Variants in SEC16B observed in about 807,000 individuals in gnomAD.
The protein encoded by SEC16B is protein transport protein Sec16B.
A neutral mutation model predicts 141.8 loss-of-function variants in SEC16B; 115 were observed. That is an observed-to-expected ratio of 0.81 (90% CI 0.70 to 0.95). The LOEUF is 0.95. Ranked by LOEUF, SEC16B falls within the 40% of genes least tolerant of loss-of-function variation. The pLI is 0.00. For synonymous variants in SEC16B, 493 were observed against 492.5 expected, an observed-to-expected ratio of 1.00 and a Z score of -0.01; for missense variants, 1,291 against 1,312.3, an observed-to-expected ratio of 0.98 and a Z score of 0.25.
rs187681294 is a variant in SEC16B at position 177,953,108 on chromosome 1, C to T, written c.1464-1113G>A. On this transcript the variant is annotated intron_variant, in intron 11 of 25. Coordinates refer to ENST00000308284, the MANE Select transcript of SEC16B (RefSeq NM_033127.4). The stretch of plus-strand genomic sequence containing the variant: ...GCAACCTCCACCTCCCAGGTTCAAG[C>T]GATTCTCCTGCCTCAGCTTCCAGAG... Among the ~76,000 whole-genome samples the T allele has an allele frequency of 5.3e-3, 803 of 150,286 alleles. 6 individuals are homozygous for T. Among genetic ancestry groups the T allele is most frequent in the African/African-American group, 0.019 (775 of 41,082 alleles).
chr1:177,946,181 A>G lies in SEC16B; in HGVS notation c.1775+239T>C. On this transcript the variant is annotated intron_variant, in intron 14 of 25. Coordinates refer to ENST00000308284, the MANE Select transcript of SEC16B (RefSeq NM_033127.4). ...AAAGGGCACAATACCACACAAAGGC[A>G]TCAGCCCACCTCTTTGCAGAGGAGG... 4 of 604,940 alleles carry G rather than the reference A, an allele frequency of 6.6e-6. No individual in the cohort carries two copies. In the South Asian group the frequency reaches 7.9e-5, roughly 12 times the overall value. The allele number at this position is 604,940 out of a possible 1,614,324, so 37.5% of individuals were successfully genotyped here. A position where few individuals can be genotyped will look rare whatever the true frequency, so the allele number is the denominator to read the frequency against.
At chr1:177,930,225 C>T (rs1650313415) in intron 25 of SEC16B, among the ~76,000 whole-genome samples, 1 of 152,174 alleles carries the variant, frequency 6.6e-6, no homozygotes, top group African/African-American at 2.4e-5. Flanking sequence ...ATCCCCAGGA[C>T]AGAGTGACAC....
upstream of SEC16B, among the ~76,000 whole-genome samples, chr1:177,973,705 G>A (rs1654053736): frequency 6.6e-6 from 1 of 151,960 alleles, no homozygotes; most frequent in South Asian, 2.1e-4. Flanking sequence ...CATGCACTGG[G>A]GATACAAAGA....
At chr1:177,973,517 C>T (rs934559736), upstream of SEC16B, among the ~76,000 whole-genome samples, 3 of 152,188 alleles carry the variant, frequency 2.0e-5, no homozygotes, top group Non-Finnish European at 4.4e-5. Flanking sequence ...GTTCAACCAT[C>T]AAATGTGTTA....
chr1:177,946,546 G>C lies in SEC16B; in HGVS notation c.1664-15C>G, dbSNP rs927905909. ...CCCCTTCCCAGCTGCGGGAGGAAGAGAACAAGACCCAATCACGGAGCACAC... is the reference window on the plus strand; with the variant it reads ...CCCCTTCCCAGCTGCGGGAGGAAGACAACAAGACCCAATCACGGAGCACAC... On this transcript the variant is annotated splice_polypyrimidine_tract_variant and intron_variant, in intron 13 of 25. Coordinates refer to ENST00000308284, the MANE Select transcript of SEC16B (RefSeq NM_033127.4). 6.4e-7 allele frequency: 1 copy of C among 1,552,162 alleles called. No individual in the cohort carries two copies. Among genetic ancestry groups the C allele is most frequent in the Non-Finnish European group, 8.7e-7 (1 of 1,145,774 alleles).
chr1:177,972,403 C>A (rs1653997623), upstream of SEC16B, among the ~76,000 whole-genome samples: 1 of 152,124 alleles, frequency 6.6e-6, no homozygotes, highest in South Asian at 2.1e-4. Flanking sequence ...CAAATTGACC[C>A]AGTTTGACAA....
At chr1:177,933,995 C>G (rs1266503326) in intron 20 of SEC16B, among the ~76,000 whole-genome samples, 8 of 144,536 alleles carry the variant, frequency 5.5e-5, no homozygotes, top group Admixed American at 4.1e-4. Flanking sequence ...AAGCTCCCCC[C>G]AAAAAAAAAA....
chr1:177,934,909 C>A (rs1283410204), intron 20 of SEC16B, among the ~76,000 whole-genome samples: 1 of 152,122 alleles, frequency 6.6e-6, no homozygotes, highest in Non-Finnish European at 1.5e-5. Context: ...GAGCTCCTTA[C>A]CATGGTCGTG....
intron 19 of SEC16B, 145 bp downstream of exon 19, chr1:177,937,069 C>T (rs1051781064): frequency 9.2e-6 from 8 of 873,660 alleles, no homozygotes; most frequent in Non-Finnish European, 1.4e-5. Flanking sequence ...CTAGCAGGCC[C>T]TCCGTAACGG....
upstream of SEC16B, among the ~76,000 whole-genome samples, chr1:177,974,609 C>CA (rs74797623): frequency 0.31 from 47,475 of 151,910 alleles, 8,351 homozygotes; most frequent in East Asian, 0.5. Context: ...ATGATCTTAA[C>CA]GGAACAATTT....
intron 24 of SEC16B, 59 bp downstream of exon 24, chr1:177,932,431 A>T: frequency 7.7e-7 from 1 of 1,292,652 alleles, no homozygotes; most frequent in Non-Finnish European, 1.0e-6. Context: ...CTGAAGGTTC[A>T]GTCCTCACAC....
chr1:177,948,386 T>G, intron 12 of SEC16B: 1 of 1,304,828 alleles, frequency 7.7e-7, no homozygotes, highest in African/African-American at 1.5e-5. Flanking sequence ...GCTTAATGTC[T>G]TACCAAATGC....
intron 1 of SEC16B, among the ~76,000 whole-genome samples, chr1:177,977,662 T>C (rs1417367399): frequency 9.2e-5 from 14 of 152,172 alleles, no homozygotes. Context: ...ACAGCCCCCA[T>C]ACCACTCAGC....
At chr1:177,960,588 C>G in intron 7 of SEC16B, 185 bp from the exon 8 acceptor site, 1 of 694,684 alleles carries the variant, frequency 1.4e-6, no homozygotes, top group Non-Finnish European at 2.5e-6. Context: ...AGGAAAAACA[C>G]AACTGTAGCA....
chr1:177,960,480 C>T, intron 7 of SEC16B, 77 bp from the exon 8 acceptor site: 1 of 1,033,416 alleles, frequency 9.7e-7, no homozygotes, highest in Non-Finnish European at 1.5e-6. Context: ...TAGTGTCAGA[C>T]CCCAAGGCCG....
chr1:177,940,005 A>C (rs1651157837), intron 17 of SEC16B, among the ~76,000 whole-genome samples: 1 of 152,172 alleles, frequency 6.6e-6, no homozygotes, highest in South Asian at 2.1e-4. Context: ...CCTCCCCTGA[A>C]GGAAGGAGCG....
rs1265703116 is a variant in SEC16B, at chr1:177,929,521, T to G, written c.*337A>C. ...CTACAGGGCCCTGCGGTATCATCTT[T>G]GATTCTAGCTGTTAGGGCCCTAATT... On this transcript the variant is annotated 3_prime_UTR_variant, in exon 26 of 26. Transcript: ENST00000308284. 1 of 313,856 alleles carries G rather than the reference T, an allele frequency of 3.2e-6. No individual in the cohort carries two copies. The highest frequency in any genetic ancestry group is 6.0e-6 in the Non-Finnish European group (1 of 165,482). The allele number at this position is 313,856 out of a possible 1,614,324, so 19.4% of individuals were successfully genotyped here. A position where few individuals can be genotyped will look rare whatever the true frequency, so the allele number is the denominator to read the frequency against.
chr1:177,936,262 G>C (rs1482757558), intron 20 of SEC16B, 36 bp downstream of exon 20: 3 of 1,560,674 alleles, frequency 1.9e-6, no homozygotes, highest in Non-Finnish European at 2.6e-6. Flanking sequence ...AAGCATTTGA[G>C]TGGGCAGTGG....
At chr1:177,962,777 T>G (rs1203454851) in intron 5 of SEC16B, among the ~76,000 whole-genome samples, 1 of 150,878 alleles carries the variant, frequency 6.6e-6, no homozygotes, top group Non-Finnish European at 1.5e-5. Flanking sequence ...TCATTGAATT[T>G]ACATCTTGTG....
Sources: allele counts gnomAD v4.1 joint callset (sites outside exome capture counted in the v4.1 genomes callset), GRCh38; gene constraint gnomAD v4.1.1; transcripts MANE v1.5; gene names NCBI Gene and HGNC (gene_info 2026-07-23, HGNC 2026-07-21).